HECW1: variants seen among roughly 807,000 people sequenced by gnomAD.
HECW1 encodes the protein HECT, C2 and WW domain containing E3 ubiquitin protein ligase 1.
Under a neutral mutation model 182.3 loss-of-function variants are expected in HECW1, and 61 were observed. The ratio of observed to expected loss-of-function variants is 0.33; its 90% CI spans 0.27 to 0.41. The LOEUF (loss-of-function observed/expected upper bound fraction) is 0.41, where lower values mean the gene tolerates loss of function less well. HECW1 is among the 10% of genes least tolerant of loss of function. The pLI is 1.00. For synonymous variants in HECW1, 859 were observed against 832.6 expected, an observed-to-expected ratio of 1.03 and a Z score of -0.55; for missense variants, 1,739 against 2,108.9, an observed-to-expected ratio of 0.82 and a Z score of 3.44.
intron 15 of HECW1, among the ~76,000 whole-genome samples, chr7:43,468,061 G>A (rs530754119): frequency 5.9e-5 from 9 of 151,286 alleles, no homozygotes; most frequent in South Asian, 2.1e-4. Flanking sequence ...CCAACCCCCC[G>A]TCTACACGTG....
intron 2 of HECW1, among the ~76,000 whole-genome samples, chr7:43,183,825 A>G (rs1303019183): frequency 1.3e-5 from 2 of 152,166 alleles, no homozygotes; most frequent in African/African-American, 4.8e-5. Context: ...TTTGCTAAGG[A>G]TAGAATTTTT....
At chr7:43,158,878 CAA>C (rs1172923335) in intron 2 of HECW1, among the ~76,000 whole-genome samples, 3 of 152,186 alleles carry the variant, frequency 2.0e-5, no homozygotes, top group Admixed American at 6.5e-5. Context: ...ACTTATGCAC[CAA>C]GAGAGAGGTT....
chr7:43,560,685 T>C (rs1038506043), intron 29 of HECW1, among the ~76,000 whole-genome samples: 1 of 152,204 alleles, frequency 6.6e-6, no homozygotes, highest in African/African-American at 2.4e-5. Flanking sequence ...TTATATACTT[T>C]AAAACAAAGG....
rs193109665 is a variant in HECW1 at position 43,146,565 on chromosome 7, C to T, written c.-32+32174C>T. ...ACATTTACAGTTGGACCTGGAAATTCGAGTCTTAATAAGTTGCCCAAGCAT... is the reference window on the plus strand; with the variant it reads ...ACATTTACAGTTGGACCTGGAAATTTGAGTCTTAATAAGTTGCCCAAGCAT... On this transcript the variant is annotated intron_variant, in intron 2 of 29. Coordinates refer to ENST00000395891, the MANE Select transcript of HECW1 (RefSeq NM_015052.5). 6.2e-4 allele frequency among the ~76,000 whole-genome samples: 95 copies of T among 152,270 alleles called. 3 individuals are homozygous for T. The highest frequency in any genetic ancestry group is 5.4e-3 in the Admixed American group (83 of 15,286).
intron 11 of HECW1, among the ~76,000 whole-genome samples, chr7:43,447,620 G>A (rs1320820537): frequency 1.3e-5 from 2 of 152,116 alleles, no homozygotes; most frequent in Non-Finnish European, 2.9e-5. Context: ...ATCCTTCCCC[G>A]CCTCAGCAGT....
intron 2 of HECW1, among the ~76,000 whole-genome samples, chr7:43,140,375 C>T (rs754063253): frequency 6.6e-5 from 10 of 152,194 alleles, no homozygotes; most frequent in Non-Finnish European, 1.3e-4. Context: ...TGTGCCCCCT[C>T]GTAAGTCTCC....
intron 8 of HECW1, among the ~76,000 whole-genome samples, chr7:43,429,047 T>C (rs1318280929): frequency 6.7e-6 from 1 of 150,206 alleles, no homozygotes; most frequent in Non-Finnish European, 1.5e-5. Flanking sequence ...TACAATTATA[T>C]GCATATTACA....
intron 8 of HECW1, among the ~76,000 whole-genome samples, chr7:43,421,547 C>T (rs1403196965): frequency 6.6e-6 from 1 of 152,122 alleles, no homozygotes. Context: ...CAGCTAATAT[C>T]TAGACTATAA....
At chr7:43,428,184 A>C (rs2076422395) in intron 8 of HECW1, among the ~76,000 whole-genome samples, 1 of 152,244 alleles carries the variant, frequency 6.6e-6, no homozygotes, top group African/African-American at 2.4e-5. Flanking sequence ...TCCTCTTCAG[A>C]GAAGTCCATC....
At chr7:43,313,980 G>T (rs1216176771) in intron 4 of HECW1, among the ~76,000 whole-genome samples, 1 of 152,004 alleles carries the variant, frequency 6.6e-6, no homozygotes, top group East Asian at 1.9e-4. Flanking sequence ...GTTTTGGTTT[G>T]TTTTTTGGTT....
intron 1 of HECW1, chr7:43,113,640 G>C: frequency 5.5e-6 from 1 of 181,842 alleles, no homozygotes; most frequent in Non-Finnish European, 1.1e-5. Flanking sequence ...GCGACTTGCA[G>C]ACAGGCAGGG....
chr7:43,484,186 T>C (rs1352654267), intron 17 of HECW1: 1 of 152,312 alleles, frequency 6.6e-6, no homozygotes, highest in Non-Finnish European at 1.5e-5. Context: ...CTAACGTGTG[T>C]TCCAGCTGTG....
chr7:43,488,432 A>G (rs142713680), intron 17 of HECW1, among the ~76,000 whole-genome samples: 7,703 of 41,056 alleles, frequency 0.19, 675 homozygotes, highest in Middle Eastern at 0.3. Flanking sequence ...GAAAGAAAGA[A>G]AGAGAAAGAA....
Position 43,311,970 on chromosome 7 carries a change from T to C in HECW1, c.235T>C (p.Ser79Pro). ...DTDLVTSDSR[S>P]TLMVSSSYYS... ...TGACCTGGTCACCTCGGACAGCCGC[T>C]CCACGCTCATGGTCAGCAGCTCCTA... The change falls in exon 4 of 30, where the codon TCC becomes CCC. Residue 79 changes from serine to proline, a missense_variant. Physicochemically the swap from Ser to Pro is moderately conservative, Grantham distance 74. Coordinates refer to ENST00000395891, the MANE Select transcript of HECW1 (RefSeq NM_015052.5). 2 of 1,614,158 alleles carry C rather than the reference T, an allele frequency of 1.2e-6. No homozygotes were observed. Among genetic ancestry groups the C allele is most frequent in the Non-Finnish European group, 1.7e-6 (2 of 1,180,034 alleles).
intron 2 of HECW1, among the ~76,000 whole-genome samples, chr7:43,235,324 C>A (rs1474575925): frequency 1.3e-5 from 2 of 152,224 alleles, no homozygotes; most frequent in African/African-American, 2.4e-5. Flanking sequence ...TCTGTCCTCC[C>A]AGCCTGCACT....
chr7:43,542,103 G>C, intron 26 of HECW1, 105 bp downstream of exon 26: 1 of 994,880 alleles, frequency 1.0e-6, no homozygotes, highest in Non-Finnish European at 1.4e-6. Context: ...AGACTTCAGT[G>C]CTTCAGTATA....
intron 2 of HECW1, among the ~76,000 whole-genome samples, chr7:43,240,457 C>T (rs185048255): frequency 2.1e-4 from 32 of 152,130 alleles, no homozygotes; most frequent in African/African-American, 7.0e-4. Flanking sequence ...GACGACAGAC[C>T]GAATGAAAGA....
chr7:43,272,164 C>T (rs1018833135), intron 3 of HECW1, among the ~76,000 whole-genome samples: 2 of 152,072 alleles, frequency 1.3e-5, no homozygotes, highest in Non-Finnish European at 2.9e-5. Flanking sequence ...AACTGAATCC[C>T]TATCTCTCAC....
rs71008897 is a variant in HECW1 at position 43,221,537 on chromosome 7, G to GTTTTTTTT, written c.-31-22303_-31-22296dup. ...CTAAACTAAATGTCAGAGGAATTAG[G>GTTTTTTTT]TTTTTTTTTTTTTTTTTTTTTTTTT... On this transcript the variant is annotated intron_variant, in intron 2 of 29. Coordinates refer to ENST00000395891, the MANE Select transcript of HECW1 (RefSeq NM_015052.5). Among the ~76,000 whole-genome samples the GTTTTTTTT allele has an allele frequency of 2.1e-3, 106 of 50,530 alleles. 31 individuals are homozygous for GTTTTTTTT. Among genetic ancestry groups the GTTTTTTTT allele is most frequent in the East Asian group, 4.0e-3 (5 of 1,238 alleles). The allele number at this position is 50,530 out of a possible 152,430, so 33.1% of individuals were successfully genotyped here.
Sources: allele counts gnomAD v4.1 joint callset (sites outside exome capture counted in the v4.1 genomes callset), GRCh38; gene constraint gnomAD v4.1.1; transcripts MANE v1.5; gene names NCBI Gene and HGNC (gene_info 2026-07-23, HGNC 2026-07-21).